The following VTI1A variants were observed in gnomAD, a reference collection of about 807,000 sequenced individuals.
VTI1A encodes the protein vesicle transport through interaction with t-SNAREs 1A, also known as vesicle transport through interaction with t-SNAREs homolog 1A.
In VTI1A, 22 loss-of-function variants were observed where a neutral mutation model predicts 34.9. The observed-to-expected ratio is 0.63, with a 90% CI of 0.45 to 0.90. The LOEUF is 0.90. VTI1A is among the 40% of genes least tolerant of loss of function. The pLI is 0.00. For missense variants in VTI1A, 268 were observed against 275.6 expected (o/e 0.97, Z 0.20); for synonymous variants, 87 against 97.3 (o/e 0.89, Z 0.62).
At chr10:112,622,486 G>A (rs996248043) in intron 5 of VTI1A, among the ~76,000 whole-genome samples, 1 of 151,602 alleles carries the variant, frequency 6.6e-6, no homozygotes, top group Non-Finnish European at 1.5e-5. Context: ...GGTGTAATGG[G>A]ATTGGGTAGA....
intron 7 of VTI1A, among the ~76,000 whole-genome samples, chr10:112,780,970 T>C (rs1852105263): frequency 6.6e-6 from 1 of 152,042 alleles, no homozygotes; most frequent in African/African-American, 2.4e-5. Context: ...AATATATATA[T>C]ATATTTTTTG....
intron 5 of VTI1A, among the ~76,000 whole-genome samples, chr10:112,559,467 A>T (rs1851646225): frequency 6.6e-6 from 1 of 152,152 alleles, no homozygotes; most frequent in Non-Finnish European, 1.5e-5. Flanking sequence ...AGGTAGAGCG[A>T]TGGTGTAGGG....
chr10:112,829,100 C>CAGT, the VTI1A span, among the ~76,000 whole-genome samples: 2 of 152,112 alleles, frequency 1.3e-5, no homozygotes, highest in African/African-American at 2.4e-5. Flanking sequence ...GTCCAGCATA[C>CAGT]AGTATCCTGA....
At chr10:112,721,815 A>G (rs181731319) in intron 7 of VTI1A, among the ~76,000 whole-genome samples, 1 of 152,334 alleles carries the variant, frequency 6.6e-6, no homozygotes, top group East Asian at 1.9e-4. Context: ...GATCTGTCCA[A>G]CAATGAAATG....
intron 7 of VTI1A, among the ~76,000 whole-genome samples, chr10:112,720,492 C>G (rs1482255107): frequency 2.6e-5 from 4 of 152,100 alleles, no homozygotes; most frequent in Non-Finnish European, 5.9e-5. Context: ...GCTTATTGGC[C>G]ATTTGTATTT....
At chr10:112,745,672 G>A (rs1367395349) in intron 7 of VTI1A, among the ~76,000 whole-genome samples, 1 of 152,210 alleles carries the variant, frequency 6.6e-6, no homozygotes, top group Non-Finnish European at 1.5e-5. Context: ...CCACACCGAT[G>A]CTGTCCAACA....
chr10:112,578,996 G>A (rs1405055659), intron 5 of VTI1A, among the ~76,000 whole-genome samples: 1 of 152,174 alleles, frequency 6.6e-6, no homozygotes, highest in Admixed American at 6.5e-5. Flanking sequence ...AACCATTTAA[G>A]GATCTTTATA....
chr10:112,572,842 CAA>C (rs35922968), intron 5 of VTI1A, among the ~76,000 whole-genome samples: 301 of 131,824 alleles, frequency 2.3e-3, no homozygotes, highest in Admixed American at 2.7e-3. Flanking sequence ...CCGTCTCAAC[CAA>C]AAAAAAAAAA....
intron 7 of VTI1A, among the ~76,000 whole-genome samples, chr10:112,780,314 A>AAT (rs1207741306): frequency 1.4e-5 from 2 of 146,952 alleles, no homozygotes; most frequent in Non-Finnish European, 3.0e-5. Flanking sequence ...ATAAATAAAT[A>AAT]AATAAATAAA....
At chr10:112,814,103 C>T (rs1331142089) in intron 7 of VTI1A, among the ~76,000 whole-genome samples, 1 of 152,166 alleles carries the variant, frequency 6.6e-6, no homozygotes, top group African/African-American at 2.4e-5. Context: ...GAAATAAACT[C>T]ATCTAGGAAG....
chr10:112,545,631 C>A (rs1851049974), intron 5 of VTI1A, among the ~76,000 whole-genome samples: 1 of 152,160 alleles, frequency 6.6e-6, no homozygotes, highest in Non-Finnish European at 1.5e-5. Flanking sequence ...ACGTTGACAT[C>A]CCCTGGGAGC....
intron 7 of VTI1A, among the ~76,000 whole-genome samples, chr10:112,679,769 A>G (rs1848153426): frequency 6.6e-6 from 1 of 151,936 alleles, no homozygotes; most frequent in Admixed American, 6.6e-5. Context: ...GAGGGGAAAA[A>G]AAAAAAAACA....
intron 7 of VTI1A, among the ~76,000 whole-genome samples, chr10:112,766,674 T>C (rs1306938404): frequency 1.3e-5 from 2 of 152,196 alleles, no homozygotes; most frequent in Admixed American, 6.5e-5. Context: ...AAATCTCCCA[T>C]TGGATTCCTA....
chr10:112,838,637 G>A, the VTI1A span, among the ~76,000 whole-genome samples: 1 of 152,136 alleles, frequency 6.6e-6, no homozygotes, highest in South Asian at 2.1e-4. Flanking sequence ...TTGCCTGTGG[G>A]TACCAGGTGA....
At chr10:112,481,769 G>T (rs2134098748) in intron 3 of VTI1A, among the ~76,000 whole-genome samples, 1 of 152,300 alleles carries the variant, frequency 6.6e-6, no homozygotes, top group South Asian at 2.1e-4. Flanking sequence ...ATTGCTCTTT[G>T]CCTCCCCAGT....
chr10:112,802,680 C>G (rs996168536), intron 7 of VTI1A, among the ~76,000 whole-genome samples: 1 of 152,198 alleles, frequency 6.6e-6, no homozygotes, highest in Admixed American at 6.5e-5. Context: ...GATTTTCTAG[C>G]CCCATGCTTT....
At chr10:112,696,301 G>A (rs1848786007) in intron 7 of VTI1A, among the ~76,000 whole-genome samples, 4 of 152,106 alleles carry the variant, frequency 2.6e-5, no homozygotes, top group Admixed American at 2.6e-4. Context: ...GACTCAGAAA[G>A]CACACTCTCT....
chr10:112,853,167 A>T, the VTI1A span, among the ~76,000 whole-genome samples: 1 of 152,160 alleles, frequency 6.6e-6, no homozygotes, highest in African/African-American at 2.4e-5. Flanking sequence ...TCACTCTTCC[A>T]GGGGGGTAAA....
chr10:112,826,459 G>A, the VTI1A span: 1 of 152,250 alleles, frequency 6.6e-6, no homozygotes, highest in South Asian at 2.1e-4. Context: ...ACAGAACAGA[G>A]TTAGAACCAC....
Sources: allele counts gnomAD v4.1 joint callset (sites outside exome capture counted in the v4.1 genomes callset), GRCh38; gene constraint gnomAD v4.1.1; transcripts MANE v1.5; gene names NCBI Gene and HGNC (gene_info 2026-07-23, HGNC 2026-07-21).